The following CNTN1 variants were observed in gnomAD, a reference collection of about 807,000 sequenced individuals.
CNTN1 encodes contactin-1.
A neutral mutation model predicts 126.4 loss-of-function variants in CNTN1; 38 were observed. That is an observed-to-expected ratio of 0.30 (90% CI 0.23 to 0.39). The LOEUF is 0.39. Among genes scored for constraint, CNTN1 ranks in the 10% least tolerant of loss-of-function variants. The pLI, the probability that CNTN1 is intolerant of heterozygous loss-of-function variation, is 1.00. For missense variants in CNTN1, 1,009 were observed against 1,248.4 expected (o/e 0.81, Z 2.89); for synonymous variants, 413 against 422.6 (o/e 0.98, Z 0.28).
At chr12:41,015,821 T>C (rs1046895956) in intron 18 of CNTN1, among the ~76,000 whole-genome samples, 13 of 152,198 alleles carry the variant, frequency 8.5e-5, no homozygotes, top group African/African-American at 3.1e-4. Flanking sequence ...AGTCAGTTTT[T>C]ATTAATAATA....
chr12:40,824,017 A>G (rs575085518), intron 1 of CNTN1, among the ~76,000 whole-genome samples: 1 of 152,176 alleles, frequency 6.6e-6, no homozygotes, highest in African/African-American at 2.4e-5. Context: ...TATTAAATGT[A>G]TCCCTTGCCC....
intron 1 of CNTN1, among the ~76,000 whole-genome samples, chr12:40,792,648 A>G (rs936290843): frequency 1.3e-5 from 2 of 152,040 alleles, no homozygotes; most frequent in African/African-American, 4.8e-5. Context: ...CCTCTCTTCT[A>G]CTTTTTATCT....
Position 40,847,284 on chromosome 12 carries a change from G to A in CNTN1, c.-76-61073G>A, listed in dbSNP as rs759340308. Reference sequence around the variant, plus strand: ...ACGTAAAAAAGACTGCATTTACCTGGTTAACTTCCAGGGATCCTTAGTTTT... The same window carrying A: ...ACGTAAAAAAGACTGCATTTACCTGATTAACTTCCAGGGATCCTTAGTTTT... On this transcript the variant is annotated intron_variant, in intron 1 of 23. Coordinates refer to ENST00000551295, the MANE Select transcript of CNTN1 (RefSeq NM_001843.4). Among the ~76,000 whole-genome samples, 38 of 152,082 alleles carry A rather than the reference G, an allele frequency of 2.5e-4. 1 individual carries two copies. Among genetic ancestry groups the A allele is most frequent in the Admixed American group, 1.5e-3 (23 of 15,276 alleles).
At chr12:40,732,220 G>A (rs1046350256) in intron 1 of CNTN1, among the ~76,000 whole-genome samples, 1 of 151,938 alleles carries the variant, frequency 6.6e-6, no homozygotes, top group East Asian at 1.9e-4. Context: ...AGTATGTATA[G>A]TATCTGATAA....
Position 41,015,720 on chromosome 12 carries a change from T to TAA in CNTN1, c.2185-949_2185-948dup, listed in dbSNP as rs58676163. On this transcript the variant is annotated intron_variant, in intron 18 of 23. Coordinates refer to ENST00000551295, the MANE Select transcript of CNTN1 (RefSeq NM_001843.4). ...AGACATCTTAAATTTGATTTTCTGGTAAAAAAAAAAAAAAGTAAATATACA... is the reference window on the plus strand; with the variant it reads ...AGACATCTTAAATTTGATTTTCTGGTAAAAAAAAAAAAAAAAGTAAATATACA... Among the ~76,000 whole-genome samples, 462 of 135,936 alleles carry TAA rather than the reference T, an allele frequency of 3.4e-3. 2 individuals carry two copies. The highest frequency in any genetic ancestry group is 0.012 in the African/African-American group (451 of 37,440). The allele number at this position is 135,936 out of a possible 152,430, so 89.2% of individuals were successfully genotyped here. A position where few individuals can be genotyped will look rare whatever the true frequency, so the allele number is the denominator to read the frequency against.
At chr12:40,852,670 A>C (rs1942763314) in intron 1 of CNTN1, among the ~76,000 whole-genome samples, 1 of 152,106 alleles carries the variant, frequency 6.6e-6, no homozygotes, top group Non-Finnish European at 1.5e-5. Context: ...ATGAGGAAGA[A>C]CAATATTTGC....
At chr12:40,820,358 GAGGGGACAAA>G (rs1423079637) in intron 1 of CNTN1, among the ~76,000 whole-genome samples, 1 of 152,216 alleles carries the variant, frequency 6.6e-6, no homozygotes, top group African/African-American at 2.4e-5. Flanking sequence ...GTAAGGTTCA[GAGGGGACAAA>G]TATTCAAACC....
chr12:40,878,234 T>C (rs1469402656), intron 1 of CNTN1, among the ~76,000 whole-genome samples: 1 of 150,932 alleles, frequency 6.6e-6, no homozygotes. Flanking sequence ...TGACCTCAGG[T>C]GATCGCCGGC....
Position 41,071,766 on chromosome 12 carries a change from A to G in CNTN1, c.*1731A>G, listed in dbSNP as rs981502585. On this transcript the variant is annotated 3_prime_UTR_variant, in exon 24 of 24. Coordinates refer to ENST00000551295, the MANE Select transcript of CNTN1 (RefSeq NM_001843.4). ...ATTTCATAAAATATTTAAGTATTTG[A>G]AAAAGAAACAAAATGTCTTCATACT... 8 of 152,200 alleles carry G rather than the reference A, an allele frequency of 5.3e-5. No homozygotes were observed. The highest frequency in any genetic ancestry group is 1.4e-4 in the African/African-American group (6 of 41,460). 9.4% of individuals were successfully genotyped at this position (152,200 alleles called of 1,614,324 possible). A position where few individuals can be genotyped will look rare whatever the true frequency, so the allele number is the denominator to read the frequency against.
At chr12:40,951,154 A>T (rs1276222109) in intron 14 of CNTN1, among the ~76,000 whole-genome samples, 1 of 152,152 alleles carries the variant, frequency 6.6e-6, no homozygotes, top group Non-Finnish European at 1.5e-5. Context: ...TCCATCATTC[A>T]AAATGCTTAG....
intron 3 of CNTN1, among the ~76,000 whole-genome samples, chr12:40,917,064 G>T (rs556655528): frequency 1.3e-5 from 1 of 74,504 alleles, no homozygotes; most frequent in Non-Finnish European, 2.3e-5. Context: ...GTGGGGGCGG[G>T]GGGGGGGGCA....
intron 1 of CNTN1, among the ~76,000 whole-genome samples, chr12:40,700,443 T>C (rs1052758310): frequency 1.3e-5 from 2 of 152,098 alleles, no homozygotes; most frequent in African/African-American, 2.4e-5. Context: ...GGAGAATCAT[T>C]TGAACCCGGG....
chr12:40,795,537 T>C (rs191608326), intron 1 of CNTN1, among the ~76,000 whole-genome samples: 15 of 151,270 alleles, frequency 9.9e-5, no homozygotes, highest in Admixed American at 7.9e-4. Flanking sequence ...ATGTATTCTA[T>C]TTATAGGCAC....
chr12:40,908,245 T>C (rs531298882), intron 1 of CNTN1, 112 bp from the exon 2 acceptor site: 1 of 577,778 alleles, frequency 1.7e-6, no homozygotes. Flanking sequence ...CCTCAAATGA[T>C]GAACATTTCC....
chr12:40,969,854 A>T (rs1447920732), intron 15 of CNTN1, among the ~76,000 whole-genome samples: 1 of 152,136 alleles, frequency 6.6e-6, no homozygotes, highest in East Asian at 1.9e-4. Context: ...AAACTTCTGA[A>T]TTCTCAATCT....
chr12:41,007,407 A>T (rs1392435774), intron 17 of CNTN1, among the ~76,000 whole-genome samples: 1 of 152,122 alleles, frequency 6.6e-6, no homozygotes, highest in Non-Finnish European at 1.5e-5. Context: ...AAAGAAATGG[A>T]TATGAAGCAG....
At chr12:40,908,659 A>G (rs1038351081) in intron 2 of CNTN1, among the ~76,000 whole-genome samples, 166 bp downstream of exon 2, 1 of 152,184 alleles carries the variant, frequency 6.6e-6, no homozygotes, top group East Asian at 1.9e-4. Context: ...TTTAATTTCA[A>G]TTAAGATTTC....
chr12:41,049,991 C>T (rs1227482822), intron 23 of CNTN1, among the ~76,000 whole-genome samples: 1 of 152,150 alleles, frequency 6.6e-6, no homozygotes, highest in East Asian at 1.9e-4. Flanking sequence ...CCTCCACCTC[C>T]CAGGTTCAGG....
intron 15 of CNTN1, among the ~76,000 whole-genome samples, chr12:40,976,498 C>T (rs1404977276): frequency 4.0e-5 from 6 of 150,282 alleles, no homozygotes; most frequent in Admixed American, 2.0e-4. Flanking sequence ...TCCCTGGTTT[C>T]CTGAAGGATT....
Sources: gnomAD v4.1 joint callset for allele counts (sites outside exome capture counted in the v4.1 genomes callset) on GRCh38, gnomAD v4.1.1 for gene constraint, MANE v1.5 for transcripts, NCBI Gene and HGNC (gene_info 2026-07-23, HGNC 2026-07-21) for gene names.